The following CDH13 variants were observed in gnomAD, a reference collection of about 807,000 sequenced individuals.
CDH13 encodes cadherin-13.
CDH13 carries 24 observed loss-of-function variants against 63.8 expected under a neutral mutation model. The ratio of observed to expected loss-of-function variants is 0.38; its 90% CI spans 0.27 to 0.53. The LOEUF (loss-of-function observed/expected upper bound fraction) is 0.53, where lower values mean the gene tolerates loss of function less well. Ranked by LOEUF, CDH13 falls within the 20% of genes least tolerant of loss-of-function variation. The pLI is 0.85. For synonymous variants in CDH13, 503 were observed against 355.3 expected, an observed-to-expected ratio of 1.42 and a Z score of -4.67; for missense variants, 1,049 against 903.1, an observed-to-expected ratio of 1.16 and a Z score of -2.07.
At chr16:83,546,394 T>C (rs2075386745) in intron 7 of CDH13, among the ~76,000 whole-genome samples, 1 of 151,990 alleles carries the variant, frequency 6.6e-6, no homozygotes, top group African/African-American at 2.4e-5. Flanking sequence ...TTATTTTCGG[T>C]TGTACCTGTT....
chr16:82,650,243 C>A (rs1028845612), intron 1 of CDH13, among the ~76,000 whole-genome samples: 2 of 151,778 alleles, frequency 1.3e-5, no homozygotes, highest in African/African-American at 4.8e-5. Context: ...ATTTTTTTCT[C>A]CTTTTTGAAA....
intron 1 of CDH13, among the ~76,000 whole-genome samples, chr16:82,700,090 C>T (rs766727949): frequency 3.3e-5 from 5 of 152,130 alleles, no homozygotes; most frequent in Admixed American, 6.5e-5. Context: ...GATATTAGTT[C>T]ATCAGGATGC....
At chr16:83,012,774 G>C (rs1479962234) in intron 2 of CDH13, among the ~76,000 whole-genome samples, 1 of 152,072 alleles carries the variant, frequency 6.6e-6, no homozygotes, top group Non-Finnish European at 1.5e-5. Flanking sequence ...TATTTTCTCT[G>C]TAAGTGCTTG....
chr16:83,716,090 C>CT (rs1268521491), intron 10 of CDH13, among the ~76,000 whole-genome samples: 2 of 152,262 alleles, frequency 1.3e-5, no homozygotes, highest in African/African-American at 4.8e-5. Context: ...GACTTGCCCA[C>CT]TTTTTTGTTT....
intron 9 of CDH13, among the ~76,000 whole-genome samples, chr16:83,675,234 C>A (rs1272102211): frequency 3.3e-5 from 5 of 152,150 alleles, no homozygotes; most frequent in Non-Finnish European, 7.3e-5. Flanking sequence ...TTACAGCACT[C>A]CGAGGGGATT....
At chr16:83,385,284 G>C (rs2091650460) in intron 6 of CDH13, among the ~76,000 whole-genome samples, 1 of 152,194 alleles carries the variant, frequency 6.6e-6, no homozygotes, top group Non-Finnish European at 1.5e-5. Context: ...TTAATTCTAA[G>C]AAACTGTATG....
chr16:83,351,582 T>A (rs1044213015), intron 6 of CDH13, among the ~76,000 whole-genome samples: 2 of 152,202 alleles, frequency 1.3e-5, no homozygotes, highest in Non-Finnish European at 2.9e-5. Context: ...CATCATTGTT[T>A]CAAACAGCTA....
intron 6 of CDH13, among the ~76,000 whole-genome samples, chr16:83,456,654 G>A (rs1031167011): frequency 6.6e-6 from 1 of 152,160 alleles, no homozygotes; most frequent in Non-Finnish European, 1.5e-5. Flanking sequence ...AGTGAATGAT[G>A]TGTTGCATCA....
At position 83,581,608 on chromosome 16, in the gene CDH13, A is replaced by C. The variant is rs1161194821; in HGVS notation, c.961-20846A>C. The stretch of plus-strand genomic sequence containing the variant: ...CCAAGGCAGTGGGTTGTTTGAGTCC[A>C]CGAGTTTGAGACCAGCCTAGTCAAC... On this transcript the variant is annotated intron_variant, in intron 7 of 13. Transcript: ENST00000567109. Among the ~76,000 whole-genome samples the C allele has an allele frequency of 2.0e-5, 3 of 152,158 alleles. 1 individual carries two copies. Among genetic ancestry groups the C allele is most frequent in the Admixed American group, 6.5e-5 (1 of 15,276 alleles).
At chr16:82,651,733 C>A (rs1345957406) in intron 1 of CDH13, among the ~76,000 whole-genome samples, 1 of 152,226 alleles carries the variant, frequency 6.6e-6, no homozygotes, top group Admixed American at 6.5e-5. Context: ...CCTTCCCATT[C>A]TACCCTCCAG....
chr16:82,639,523 A>G (rs1427585357), intron 1 of CDH13: 18 of 1,176,530 alleles, frequency 1.5e-5, no homozygotes, highest in Admixed American at 7.9e-5. Context: ...TAGGGATGCT[A>G]AGAAACCCTG....
chr16:83,410,826 G>A (rs950920458), intron 6 of CDH13, among the ~76,000 whole-genome samples: 1 of 152,096 alleles, frequency 6.6e-6, no homozygotes, highest in East Asian at 1.9e-4. Context: ...TCCTAGTATT[G>A]AGTGCCCACT....
intron 7 of CDH13, among the ~76,000 whole-genome samples, chr16:83,598,258 A>C (rs1381904208): frequency 6.6e-6 from 1 of 152,122 alleles, no homozygotes; most frequent in Non-Finnish European, 1.5e-5. Context: ...CCAGCTACTC[A>C]GGAGGCTGGA....
chr16:83,086,611 C>A (rs1024248404), intron 3 of CDH13, among the ~76,000 whole-genome samples: 9 of 152,228 alleles, frequency 5.9e-5, no homozygotes, highest in African/African-American at 2.2e-4. Context: ...GATATCCTGA[C>A]ATTGCTGTTT....
At chr16:83,551,126 G>A (rs2075486016) in intron 7 of CDH13, among the ~76,000 whole-genome samples, 1 of 150,980 alleles carries the variant, frequency 6.6e-6, no homozygotes, top group African/African-American at 2.4e-5. Flanking sequence ...CCATCATCCA[G>A]GCTGGTGTAC....
chr16:83,337,616 A>G (rs1485087819), intron 5 of CDH13, among the ~76,000 whole-genome samples: 1 of 138,980 alleles, frequency 7.2e-6, no homozygotes, highest in Non-Finnish European at 1.5e-5. Context: ...TAAATTGACA[A>G]GCGTATTTTT....
At chr16:82,902,325 T>C (rs1008678735) in intron 2 of CDH13, among the ~76,000 whole-genome samples, 2 of 151,394 alleles carry the variant, frequency 1.3e-5, no homozygotes, top group Admixed American at 6.6e-5. Context: ...ATTTGCCTTA[T>C]AAAATAAACA....
intron 2 of CDH13, among the ~76,000 whole-genome samples, chr16:82,872,097 G>A (rs964946404): frequency 1.3e-5 from 2 of 152,192 alleles, no homozygotes; most frequent in East Asian, 3.8e-4. Flanking sequence ...CAGACAGTCC[G>A]TTCTAAGGGT....
At chr16:83,624,465 C>G (rs901751137) in intron 8 of CDH13, among the ~76,000 whole-genome samples, 1 of 152,076 alleles carries the variant, frequency 6.6e-6, no homozygotes, top group East Asian at 1.9e-4. Context: ...ACTGTTCCAC[C>G]TTAGATCATC....
Sources: gnomAD v4.1 joint callset for allele counts (sites outside exome capture counted in the v4.1 genomes callset) on GRCh38, gnomAD v4.1.1 for gene constraint, MANE v1.5 for transcripts, NCBI Gene and HGNC (gene_info 2026-07-23, HGNC 2026-07-21) for gene names.